YAP1: variants seen among roughly 807,000 people sequenced by gnomAD.
YAP1 encodes transcriptional coactivator YAP1.
Under a neutral mutation model 56.9 loss-of-function variants are expected in YAP1, and 5 were observed. The ratio of observed to expected loss-of-function variants is 0.09; its 90% CI spans 0.05 to 0.18. YAP1 has a LOEUF of 0.18. YAP1 is among the 10% of genes least tolerant of loss of function. The probability of loss-of-function intolerance (pLI) is 1.00; values close to 1 mark genes in which losing one functional copy is unlikely to be tolerated. For missense variants in YAP1, 539 were observed against 651.8 expected, an observed-to-expected ratio of 0.83 and a Z score of 1.88; for synonymous variants, 265 against 248.1, an observed-to-expected ratio of 1.07 and a Z score of -0.64.
chr11:102,134,931 T>C (rs1944586205), intron 2 of YAP1, among the ~76,000 whole-genome samples: 1 of 152,200 alleles, frequency 6.6e-6, no homozygotes, highest in Non-Finnish European at 1.5e-5. Flanking sequence ...CAGGTTGGAG[T>C]GCAGTGGCGC....
intron 4 of YAP1, among the ~76,000 whole-genome samples, chr11:102,188,652 TA>T (rs67338549): frequency 0.48 from 72,258 of 152,036 alleles, 18,408 homozygotes; most frequent in Middle Eastern, 0.58. Flanking sequence ...TAACAGGCTG[TA>T]CAGTTCTGTA....
At chr11:102,142,855 A>G (rs1313463789) in intron 2 of YAP1, among the ~76,000 whole-genome samples, 5 of 152,200 alleles carry the variant, frequency 3.3e-5, no homozygotes, top group Non-Finnish European at 4.4e-5. Flanking sequence ...TTAGTAATTG[A>G]TAGGAACTTC....
rs946381203 is a variant in YAP1, at chr11:102,165,461, A to G, written c.688+2890A>G. ...ATATACATGTCTAAATAATAGAGCT[A>G]TATGTAGTAAAGAGGTGACTTTGAC... On this transcript the variant is annotated intron_variant, in intron 3 of 8. Transcript: ENST00000282441. 3.1e-4 allele frequency among the ~76,000 whole-genome samples: 47 copies of G among 152,158 alleles called. 1 individual carries two copies. Among genetic ancestry groups the G allele is most frequent in the Non-Finnish European group, 1.5e-5 (1 of 68,020 alleles).
chr11:102,148,758 T>C (rs1414195202), intron 2 of YAP1, among the ~76,000 whole-genome samples: 3 of 152,222 alleles, frequency 2.0e-5, no homozygotes, highest in South Asian at 2.1e-4. Context: ...TAAGAACATA[T>C]ACAAATTATG....
chr11:102,181,306 C>T (rs1303143771), intron 3 of YAP1, among the ~76,000 whole-genome samples: 2 of 151,924 alleles, frequency 1.3e-5, no homozygotes, highest in South Asian at 2.1e-4. Context: ...ATTAGCCGAG[C>T]GTGGTGGTGG....
At chr11:102,163,984 A>C (rs982945085) in intron 3 of YAP1, among the ~76,000 whole-genome samples, 1 of 152,100 alleles carries the variant, frequency 6.6e-6, no homozygotes, top group African/African-American at 2.4e-5. Context: ...AACTCATTAT[A>C]CTACGAATAC....
chr11:102,112,237 T>C lies in YAP1; in HGVS notation c.321+1068T>C, dbSNP rs151293863. Among the ~76,000 whole-genome samples the C allele has an allele frequency of 8.1e-4, 124 of 152,318 alleles. 1 individual carries two copies. Among genetic ancestry groups the C allele is most frequent in the Middle Eastern group, 3.4e-3 (1 of 294 alleles). ...GCGATGACTAATTCTAGGATCGCCA[T>C]TGCTTTTTAATTCTTATTGCGGATA... On this transcript the variant is annotated intron_variant, in intron 1 of 8. Coordinates refer to ENST00000282441, the MANE Select transcript of YAP1 (RefSeq NM_001130145.3).
At chr11:102,221,731 TAAAA>T (rs199559418) in intron 6 of YAP1, among the ~76,000 whole-genome samples, 1 of 139,338 alleles carries the variant, frequency 7.2e-6, no homozygotes. Flanking sequence ...TCAAAAAGAT[TAAAA>T]AAAAAAAAAA....
intron 2 of YAP1, among the ~76,000 whole-genome samples, chr11:102,124,604 C>A (rs1260493385): frequency 6.6e-6 from 1 of 152,112 alleles, no homozygotes; most frequent in Non-Finnish European, 1.5e-5. Flanking sequence ...GGAATTCTTG[C>A]TAGTCAGGAT....
At chr11:102,112,336 G>C (rs1942991556) in intron 1 of YAP1, 1 of 910,830 alleles carries the variant, frequency 1.1e-6, no homozygotes, top group African/African-American at 1.8e-5. Context: ...AAGTGAAACT[G>C]TTTATAATGA....
At chr11:102,205,172 A>G (rs1226589999) in intron 4 of YAP1, among the ~76,000 whole-genome samples, 1 of 149,878 alleles carries the variant, frequency 6.7e-6, no homozygotes, top group Non-Finnish European at 1.5e-5. Context: ...TTTTTTTACT[A>G]CCTAGGCTTT....
chr11:102,214,021 G>A (rs1949544750), intron 6 of YAP1, among the ~76,000 whole-genome samples: 1 of 152,170 alleles, frequency 6.6e-6, no homozygotes, highest in Non-Finnish European at 1.5e-5. Context: ...GCGGTTCAGT[G>A]AGCTGAGATC....
At chr11:102,118,072 A>G (rs1943401741) in intron 2 of YAP1, among the ~76,000 whole-genome samples, 1 of 152,170 alleles carries the variant, frequency 6.6e-6, no homozygotes, top group Admixed American at 6.5e-5. Flanking sequence ...AACTATTACC[A>G]TGTTCAAAGA....
At chr11:102,190,168 G>GT (rs1948197608) in intron 4 of YAP1, among the ~76,000 whole-genome samples, 4 of 151,874 alleles carry the variant, frequency 2.6e-5, no homozygotes, top group African/African-American at 4.8e-5. Flanking sequence ...GGTTTTTTTT[G>GT]TTCTGTTTTG....
intron 2 of YAP1, among the ~76,000 whole-genome samples, chr11:102,141,849 T>C (rs762599119): frequency 2.2e-4 from 33 of 152,216 alleles, no homozygotes; most frequent in Admixed American, 7.2e-4. Context: ...GCAATAGATA[T>C]TTGAGAATGT....
intron 4 of YAP1, among the ~76,000 whole-genome samples, chr11:102,196,626 CTTTT>C (rs1221884329): frequency 7.9e-6 from 1 of 126,276 alleles, no homozygotes; most frequent in South Asian, 2.5e-4. Context: ...GTTTTTGTGA[CTTTT>C]TTTTTTTTTT....
intron 3 of YAP1, among the ~76,000 whole-genome samples, chr11:102,164,085 T>C (rs1027783017): frequency 6.6e-6 from 1 of 151,924 alleles, no homozygotes; most frequent in Non-Finnish European, 1.5e-5. Flanking sequence ...TCACCCAGGC[T>C]GGAGTGCAAT....
At chr11:102,151,277 C>T (rs1945641857) in intron 2 of YAP1, among the ~76,000 whole-genome samples, 1 of 152,134 alleles carries the variant, frequency 6.6e-6, no homozygotes. Flanking sequence ...TGGGGTTTAG[C>T]TGAAATGTAC....
chr11:102,181,898 G>GCAA (rs997132128), intron 3 of YAP1, among the ~76,000 whole-genome samples: 2 of 152,176 alleles, frequency 1.3e-5, no homozygotes, highest in African/African-American at 4.8e-5. Flanking sequence ...CTGGCTCACT[G>GCAA]CAACCTCCAC....
Sources: gnomAD v4.1 joint callset for allele counts (sites outside exome capture counted in the v4.1 genomes callset) on GRCh38, gnomAD v4.1.1 for gene constraint, MANE v1.5 for transcripts, NCBI Gene and HGNC (gene_info 2026-07-23, HGNC 2026-07-21) for gene names.